Variants in GNAZ observed in about 807,000 individuals in gnomAD.
GNAZ encodes G protein subunit alpha z, also known as guanine nucleotide-binding protein G(z) subunit alpha.
Under a neutral mutation model 25.4 loss-of-function variants are expected in GNAZ, and 3 were observed. The ratio of observed to expected loss-of-function variants is 0.12; its 90% confidence interval spans 0.05 to 0.30. The LOEUF (loss-of-function observed/expected upper bound fraction) is 0.30. GNAZ is among the 10% of genes least tolerant of loss of function. The pLI is 1.00. For missense variants in GNAZ, 241 were observed against 501.8 expected (o/e 0.48, Z 4.97); for synonymous variants, 211 against 205.7 (o/e 1.03, Z -0.22).
At chr22:23,114,726 G>A (rs959813625) in intron 2 of GNAZ, among the ~76,000 whole-genome samples, 1 of 152,178 alleles carries the variant, frequency 6.6e-6, no homozygotes, top group Non-Finnish European at 1.5e-5. Context: ...TTGGAGGGGG[G>A]ACAGGTTCAG....
rs1330853628 is a variant in GNAZ, at chr22:23,119,553, T to C, written c.724-3534T>C. ...ACACTGCCAGCACCACACTGTCCCA[T>C]GCTGGGCCCTCTGACCTTCTTTATA... On this transcript the variant is annotated intron_variant, in intron 2 of 2. Coordinates refer to ENST00000615612, the MANE Select transcript of GNAZ (RefSeq NM_002073.4). Among the ~76,000 whole-genome samples the C allele has an allele frequency of 3.3e-5, 5 of 152,240 alleles. No homozygotes were observed. In the South Asian group the frequency reaches 8.3e-4, roughly 25 times the overall value.
intron 1 of GNAZ, among the ~76,000 whole-genome samples, chr22:23,079,484 A>G (rs1434972951): frequency 6.6e-6 from 1 of 152,068 alleles, no homozygotes; most frequent in Non-Finnish European, 1.5e-5. Flanking sequence ...TGGGCGTGGG[A>G]GTCAGAGAGG....
rs1488125051 is a variant in GNAZ at position 23,096,158 on chromosome 22, T to C, written c.463T>C (p.Tyr155His). The change falls in exon 2 of 3, where the codon TAC (tyrosine) becomes CAC (histidine). Residue 155 changes from tyrosine to histidine, a missense_variant. Coordinates refer to ENST00000615612, the MANE Select transcript of GNAZ (RefSeq NM_002073.4). ...GTACCACCTGGAGGACAACGCGGCC[T>C]ACTACCTGAACGACCTGGAGCGCAT... ...SEYHLEDNAAYYLNDLERIAA... is the reference protein window; with the variant it reads ...SEYHLEDNAAHYLNDLERIAA... 1 of 1,613,152 alleles carries C rather than the reference T, an allele frequency of 6.2e-7. No individual in the cohort carries two copies. Among genetic ancestry groups the C allele is most frequent in the Non-Finnish European group, 8.5e-7 (1 of 1,179,906 alleles).
chr22:23,082,139 A>C lies in GNAZ; in HGVS notation c.-450+11569A>C, dbSNP rs541151779. ...GACTCCGCCTCAAAAAAAAAACAAA[A>C]AAAAAAAACACCCCAGAAATATATG... On this transcript the variant is annotated intron_variant, in intron 1 of 2. Coordinates refer to ENST00000615612, the MANE Select transcript of GNAZ (RefSeq NM_002073.4). Among the ~76,000 whole-genome samples, 216 of 151,626 alleles carry C rather than the reference A, an allele frequency of 1.4e-3. 2 individuals carry two copies. The highest frequency in any genetic ancestry group is 3.4e-3 in the Middle Eastern group (1 of 294).
chr22:23,113,537 C>T (rs1455493587), intron 2 of GNAZ, among the ~76,000 whole-genome samples: 10 of 152,256 alleles, frequency 6.6e-5, no homozygotes, highest in Admixed American at 6.5e-4. Context: ...GCTGGGGAAG[C>T]ACGGGGTTGC....
rs1162062721 is a variant in GNAZ at position 23,124,488 on chromosome 22, G to C, written c.*1057G>C. ...CCTCTGCAGTGTCCTCTTGTTAATG[G>C]TGGGGTTTTCTGCTTTGTTTTTATT... is the stretch of plus-strand genomic sequence containing the variant. On this transcript the variant is annotated 3_prime_UTR_variant, in exon 3 of 3. Coordinates refer to ENST00000615612, the MANE Select transcript of GNAZ (RefSeq NM_002073.4). 2.5e-6 allele frequency: 1 copy of C among 398,844 alleles called. No homozygotes were observed. Among genetic ancestry groups the C allele is most frequent in the African/African-American group, 2.1e-5 (1 of 47,044 alleles). 24.7% of individuals were successfully genotyped at this position (398,844 alleles called of 1,614,324 possible).
chr22:23,110,750 G>A (rs1401519398), intron 2 of GNAZ, among the ~76,000 whole-genome samples: 4 of 152,240 alleles, frequency 2.6e-5, no homozygotes, highest in Non-Finnish European at 5.9e-5. Context: ...TCTGCAGAGA[G>A]TTCATGCCAA....
At chr22:23,098,709 A>G (rs1045892589) in intron 2 of GNAZ, among the ~76,000 whole-genome samples, 4 of 152,380 alleles carry the variant, frequency 2.6e-5, no homozygotes, top group African/African-American at 7.2e-5. Context: ...CTGACCTTTC[A>G]TGCTCTACCA....
rs369848697 is a variant in GNAZ, at chr22:23,096,225, G to T, written c.530G>T (p.Arg177Leu). 1 of 1,613,850 alleles carries T rather than the reference G, an allele frequency of 6.2e-7. No homozygotes were observed. Among genetic ancestry groups the T allele is most frequent in the Admixed American group, 1.7e-5 (1 of 60,024 alleles). The change falls in exon 2 of 3, where the codon CGC (arginine) becomes CTC (leucine). Residue 177 changes from arginine (R) to leucine (L), a missense_variant. Coordinates refer to ENST00000615612, the MANE Select transcript of GNAZ (RefSeq NM_002073.4). ...DYIPTVEDIL[R>L]SRDMTTGIVE... ...ATCCCCACTGTCGAGGACATCCTGC[G>T]CTCCCGGGACATGACCACGGGCATT...
rs186945594 is a variant in GNAZ, at chr22:23,111,591, C to G, written c.724-11496C>G. 1.1e-4 allele frequency among the ~76,000 whole-genome samples: 16 copies of G among 152,332 alleles called. No homozygotes were observed. In the East Asian group the frequency reaches 3.1e-3, roughly 29 times the overall value. Reference sequence around the variant, plus strand: ...TCCCCCAAGGTCACTTTAGTAGAACCCAGTGACCATCTTGGACAAACAGCT... The same window carrying G: ...TCCCCCAAGGTCACTTTAGTAGAACGCAGTGACCATCTTGGACAAACAGCT... On this transcript the variant is annotated intron_variant, in intron 2 of 2. Coordinates refer to ENST00000615612, the MANE Select transcript of GNAZ (RefSeq NM_002073.4).
chr22:23,114,132 G>A lies in GNAZ; in HGVS notation c.724-8955G>A, dbSNP rs2069744076. On this transcript the variant is annotated intron_variant, in intron 2 of 2. Transcript: ENST00000615612. ...CTGCCCTCAGAGCCTGGTACTCGGT[G>A]GCCCTGGTCAGGCCTGGTGGCTCAG... Among the ~76,000 whole-genome samples, 3 of 152,232 alleles carry A rather than the reference G, an allele frequency of 2.0e-5. No homozygotes were observed. In the South Asian group the frequency reaches 6.2e-4, roughly 32 times the overall value.
In GNAZ at chr22:23,095,349, G is replaced by A; in HGVS notation, c.-347G>A. ...CCAGCCACTCAGCAACATCGCCACA[G>A]CAACCAGCAACCAGACGGCAGCAGC... On this transcript the variant is annotated 5_prime_UTR_variant, in exon 2 of 3. Coordinates refer to ENST00000615612, the MANE Select transcript of GNAZ (RefSeq NM_002073.4). 1 of 284,740 alleles carries A rather than the reference G, an allele frequency of 3.5e-6. No homozygotes were observed. Among genetic ancestry groups the A allele is most frequent in the South Asian group, 4.8e-5 (1 of 20,828 alleles). The allele number at this position is 284,740 out of a possible 1,614,324, so 17.6% of individuals were successfully genotyped here.
chr22:23,099,812 G>A (rs2069242194), intron 2 of GNAZ, among the ~76,000 whole-genome samples: 2 of 152,248 alleles, frequency 1.3e-5, no homozygotes, highest in Admixed American at 1.3e-4. Context: ...CCCACACTGA[G>A]GGACAGACAC....
chr22:23,088,230 C>T (rs544071163), intron 1 of GNAZ, among the ~76,000 whole-genome samples: 8 of 152,326 alleles, frequency 5.3e-5, no homozygotes, highest in African/African-American at 1.7e-4. Flanking sequence ...ACCATCTACA[C>T]GCCCAAAATG....
At chr22:23,112,256 C>T (rs1306806190) in intron 2 of GNAZ, among the ~76,000 whole-genome samples, 2 of 152,240 alleles carry the variant, frequency 1.3e-5, no homozygotes, top group Non-Finnish European at 2.9e-5. Flanking sequence ...GCCACAGCCC[C>T]AGGCCCTGCC....
At chr22:23,097,798 A>T (rs747873891) in intron 2 of GNAZ, among the ~76,000 whole-genome samples, 11 of 152,222 alleles carry the variant, frequency 7.2e-5, no homozygotes, top group Non-Finnish European at 1.6e-4. Context: ...AGGCAAAGTG[A>T]GGTGCTCAGG....
chr22:23,088,719 C>T lies in GNAZ; in HGVS notation c.-449-6528C>T, dbSNP rs566842425. On this transcript the variant is annotated intron_variant, in intron 1 of 2. Transcript: ENST00000615612. ...CCTGGGACAGTGGACACCACTGGTCCCCACATTGAGGCTAGAGAGTCCTGC... is the reference window on the plus strand; with the variant it reads ...CCTGGGACAGTGGACACCACTGGTCTCCACATTGAGGCTAGAGAGTCCTGC... 5.9e-5 allele frequency among the ~76,000 whole-genome samples: 9 copies of T among 152,280 alleles called. 1 individual carries two copies. The East Asian group carries it at 1.7e-3, about 29-fold the overall frequency.
intron 2 of GNAZ, among the ~76,000 whole-genome samples, chr22:23,097,738 C>T (rs1224390779): frequency 1.3e-5 from 2 of 152,256 alleles, no homozygotes; most frequent in Non-Finnish European, 2.9e-5. Flanking sequence ...GGTCAGGCTC[C>T]CTTGATGAGG....
At chr22:23,109,007 G>A (rs1486008268) in intron 2 of GNAZ, among the ~76,000 whole-genome samples, 2 of 152,236 alleles carry the variant, frequency 1.3e-5, no homozygotes, top group African/African-American at 4.8e-5. Context: ...GCTTCCAGGG[G>A]AGGCTGGGCC....
Sources: gnomAD v4.1 joint callset for allele counts (sites outside exome capture counted in the v4.1 genomes callset) on GRCh38, gnomAD v4.1.1 for gene constraint, MANE v1.5 for transcripts, NCBI Gene and HGNC (gene_info 2026-07-23, HGNC 2026-07-21) for gene names.